Variants in CNST observed in about 807,000 individuals in gnomAD.
CNST encodes the protein consortin, connexin sorting protein.
A neutral mutation model predicts 72.4 loss-of-function variants in CNST; 39 were observed. That is an observed-to-expected ratio of 0.54 (90% confidence interval 0.42 to 0.70). CNST has a LOEUF of 0.70. Ranked by LOEUF, CNST falls within the 30% of genes least tolerant of loss-of-function variation. The pLI is 0.00. For missense variants in CNST, 871 were observed against 868.5 expected (o/e 1.00, Z -0.04); for synonymous variants, 332 against 320.1 (o/e 1.04, Z -0.40).
chr1:246,622,606 C>T (rs1296371225), intron 3 of CNST, among the ~76,000 whole-genome samples: 21 of 152,068 alleles, frequency 1.4e-4, no homozygotes. Flanking sequence ...TTTTTAGGGA[C>T]TGGGAATTTT....
chr1:246,642,466 T>C (rs1665778040), intron 8 of CNST, among the ~76,000 whole-genome samples: 1 of 152,112 alleles, frequency 6.6e-6, no homozygotes, highest in Non-Finnish European at 1.5e-5. Context: ...TTAAACTCTA[T>C]ATCTTGATAA....
intron 3 of CNST, among the ~76,000 whole-genome samples, chr1:246,622,318 C>T (rs1330036849): frequency 2.0e-5 from 3 of 152,126 alleles, no homozygotes; most frequent in Admixed American, 6.5e-5. Flanking sequence ...ACGGTTCTAT[C>T]GATAAGTAAG....
intron 1 of CNST, among the ~76,000 whole-genome samples, chr1:246,583,159 T>A (rs1024210203): frequency 4.6e-5 from 7 of 152,220 alleles, no homozygotes; most frequent in Non-Finnish European, 8.8e-5. Context: ...TGTGAATATT[T>A]GGTGGTTATG....
At chr1:246,581,149 T>C (rs1660759412) in intron 1 of CNST, among the ~76,000 whole-genome samples, 1 of 152,278 alleles carries the variant, frequency 6.6e-6, no homozygotes. Context: ...ATTTCTGTCC[T>C]GTATTTTCAT....
At chr1:246,571,026 TTA>T (rs1660036189) in intron 1 of CNST, among the ~76,000 whole-genome samples, 1 of 152,194 alleles carries the variant, frequency 6.6e-6, no homozygotes, top group Admixed American at 6.5e-5. Context: ...ATGGGGGAAA[TTA>T]TATATCCTCT....
intron 2 of CNST, among the ~76,000 whole-genome samples, chr1:246,611,932 G>A (rs1449491430): frequency 6.6e-6 from 1 of 152,218 alleles, no homozygotes; most frequent in East Asian, 1.9e-4. Context: ...GCTACGTATG[G>A]TTGGATGGAT....
intron 2 of CNST, among the ~76,000 whole-genome samples, chr1:246,611,514 A>T (rs956175185): frequency 6.6e-6 from 1 of 152,198 alleles, no homozygotes; most frequent in Non-Finnish European, 1.5e-5. Flanking sequence ...TCATATTTTT[A>T]TACAAAAGCA....
chr1:246,625,827 G>A (rs181367093), intron 3 of CNST, among the ~76,000 whole-genome samples: 99 of 152,146 alleles, frequency 6.5e-4, no homozygotes, highest in African/African-American at 2.2e-3. Context: ...TCTGGTTTTT[G>A]TTCCCACCAC....
At chr1:246,626,451 C>CTTTTTTTTTTTTT (rs74163468) in intron 3 of CNST, among the ~76,000 whole-genome samples, 1 of 79,918 alleles carries the variant, frequency 1.3e-5, no homozygotes, top group Non-Finnish European at 2.3e-5. Context: ...TAGGTTTGTC[C>CTTTTTTTTTTTTT]TTTTTTTTTT....
At chr1:246,614,992 C>A (rs1354314979) in intron 2 of CNST, among the ~76,000 whole-genome samples, 2 of 152,102 alleles carry the variant, frequency 1.3e-5, no homozygotes, top group Non-Finnish European at 2.9e-5. Flanking sequence ...AGGTAAAAGT[C>A]ATTAAAGGAT....
At chr1:246,641,569 T>A (rs1210683314) in intron 6 of CNST, among the ~76,000 whole-genome samples, 180 bp from the exon 7 acceptor site, 1 of 152,204 alleles carries the variant, frequency 6.6e-6, no homozygotes, top group African/African-American at 2.4e-5. Context: ...AAACACATGA[T>A]ATAGCTGCAC....
At chr1:246,637,616 C>T (rs1184436643) in intron 6 of CNST, among the ~76,000 whole-genome samples, 1 of 152,136 alleles carries the variant, frequency 6.6e-6, no homozygotes, top group Non-Finnish European at 1.5e-5. Flanking sequence ...CTAGAGCCAG[C>T]TTGGTGAGTT....
chr1:246,582,275 C>T (rs1660834759), intron 1 of CNST, among the ~76,000 whole-genome samples: 1 of 152,114 alleles, frequency 6.6e-6, no homozygotes, highest in Non-Finnish European at 1.5e-5. Context: ...ATAGAGTGAC[C>T]TGTACCTGGA....
At chr1:246,573,261 G>A (rs1320692686) in intron 1 of CNST, among the ~76,000 whole-genome samples, 1 of 152,184 alleles carries the variant, frequency 6.6e-6, no homozygotes, top group Non-Finnish European at 1.5e-5. Flanking sequence ...ACTGTAAAGA[G>A]CCAAAATTAG....
chr1:246,600,327 C>G (rs1662190132), intron 2 of CNST, among the ~76,000 whole-genome samples: 1 of 152,160 alleles, frequency 6.6e-6, no homozygotes, highest in Non-Finnish European at 1.5e-5. Flanking sequence ...TTTAACATGA[C>G]CAGTTTGGGC....
Position 246,651,469 on chromosome 1 carries a change from C to T in CNST, c.1836+3432C>T, listed in dbSNP as rs1055135919. 5.3e-5 allele frequency among the ~76,000 whole-genome samples: 8 copies of T among 152,306 alleles called. No individual in the cohort carries two copies. In the East Asian group the frequency reaches 1.5e-3, roughly 29 times the overall value. ...TCATTTTCTTGCCACTTTTGCATTG[C>T]CCAGCCTTGGCTCCAGTGGAATTTG... On this transcript the variant is annotated intron_variant, in intron 9 of 10. Transcript: ENST00000366513.
chr1:246,660,480 CT>C, intron 10 of CNST, 146 bp downstream of exon 10: 1 of 752,156 alleles, frequency 1.3e-6, no homozygotes, highest in Non-Finnish European at 2.1e-6. Flanking sequence ...AATCCCAGCA[CT>C]TTAGGAGGCT....
At chr1:246,592,112 G>A (rs887236048) in intron 2 of CNST, among the ~76,000 whole-genome samples, 171 bp downstream of exon 2, 2 of 152,076 alleles carry the variant, frequency 1.3e-5, no homozygotes, top group Non-Finnish European at 1.5e-5. Flanking sequence ...AGTGTGATAC[G>A]TCTCCACACT....
intron 1 of CNST, among the ~76,000 whole-genome samples, chr1:246,586,249 A>G (rs1558534361): frequency 6.8e-6 from 1 of 147,490 alleles, no homozygotes; most frequent in Non-Finnish European, 1.5e-5. Context: ...TATCTGATAT[A>G]TATTATATAT....
Sources: gnomAD v4.1 joint callset for allele counts (sites outside exome capture counted in the v4.1 genomes callset) on GRCh38, gnomAD v4.1.1 for gene constraint, MANE v1.5 for transcripts, NCBI Gene and HGNC (gene_info 2026-07-23, HGNC 2026-07-21) for gene names.